NAV1: variants seen among roughly 807,000 people sequenced by gnomAD.
The protein encoded by NAV1 is neuron navigator 1, also known as pore membrane and/or filament interacting like protein 3.
NAV1 carries 18 observed loss-of-function variants against 175.2 expected under a neutral mutation model. The ratio of observed to expected loss-of-function variants is 0.10; its 90% CI spans 0.07 to 0.15. The LOEUF (loss-of-function observed/expected upper bound fraction) is 0.15. Ranked by LOEUF, NAV1 falls within the 10% of genes least tolerant of loss-of-function variation. The pLI is 1.00. For synonymous variants in NAV1, 897 were observed against 978.7 expected (o/e 0.92, Z 1.56); for missense variants, 1,731 against 2,436.6 (o/e 0.71, Z 6.10).
rs1571494261 is a variant in NAV1 at position 201,788,056 on chromosome 1, G to T, written c.2996-412G>T. The stretch of plus-strand genomic sequence containing the variant: ...TTTTCATCATTCAGATCTGGGTCTT[G>T]GTTTGAATTTTCAGTCCTCCTGAGC... On this transcript the variant is annotated intron_variant, in intron 9 of 29. Transcript: ENST00000367296. The surrounding 1 kb of genome is among the most constrained non-coding windows in gnomAD (Gnocchi z 5.7). Among the ~76,000 whole-genome samples, 1 of 152,162 alleles carries T rather than the reference G, an allele frequency of 6.6e-6. No individual in the cohort carries two copies. Among genetic ancestry groups the T allele is most frequent in the Non-Finnish European group, 1.5e-5 (1 of 68,030 alleles).
intron 2 of NAV1, among the ~76,000 whole-genome samples, chr1:201,637,284 G>C (rs770370098): frequency 1.4e-4 from 22 of 152,130 alleles, no homozygotes; most frequent in Non-Finnish European, 2.6e-4. Flanking sequence ...CATTACTTTC[G>C]CAGTTGTCTT....
chr1:201,550,116 A>G (rs1665811184), intron 1 of NAV1, among the ~76,000 whole-genome samples: 1 of 151,632 alleles, frequency 6.6e-6, no homozygotes, highest in South Asian at 2.1e-4. Flanking sequence ...CCAACACCCT[A>G]CATCCCACAT....
chr1:201,605,148 T>C lies in NAV1; in HGVS notation c.-33+16499T>C, dbSNP rs546413509. Among the ~76,000 whole-genome samples the C allele has an allele frequency of 3.3e-5, 5 of 151,372 alleles. No individual in the cohort carries two copies. The East Asian group carries it at 9.7e-4, about 29-fold the overall frequency. On this transcript the variant is annotated intron_variant, in intron 2 of 33. Coordinates refer to the NAV1 transcript ENST00000685211. Reference sequence around the variant, plus strand: ...CTTCTGCTTTTTTTTTTTTTTTCCTTCCCCCTGATCCTGTCTTCTGCTTCT... The same window carrying C: ...CTTCTGCTTTTTTTTTTTTTTTCCTCCCCCCTGATCCTGTCTTCTGCTTCT...
chr1:201,712,486 C>T (rs974249145), intron 1 of NAV1, among the ~76,000 whole-genome samples: 1 of 152,218 alleles, frequency 6.6e-6, no homozygotes, highest in Non-Finnish European at 1.5e-5. Flanking sequence ...AAATCTTGCC[C>T]AGGACCTCTG....
At chr1:201,796,713 G>A (rs935499171) in intron 15 of NAV1, 1 of 152,140 alleles carries the variant, frequency 6.6e-6, no homozygotes, top group African/African-American at 2.4e-5. Flanking sequence ...TCTCGTTGTG[G>A]TTTTGATTTT....
intron 1 of NAV1, chr1:201,688,542 G>T (rs996832957): frequency 2.6e-5 from 4 of 152,222 alleles, no homozygotes; most frequent in Non-Finnish European, 5.9e-5. Context: ...AGCCATCCAT[G>T]ATATTTACAT....
At chr1:201,721,307 G>A (rs1210991192) in intron 3 of NAV1, among the ~76,000 whole-genome samples, 4 of 152,236 alleles carry the variant, frequency 2.6e-5, no homozygotes, top group Non-Finnish European at 5.9e-5. Flanking sequence ...ACACGAGTTT[G>A]TTAACTTCCC....
intron 1 of NAV1, among the ~76,000 whole-genome samples, chr1:201,579,655 CTCAGTCTACCTTT>C (rs1666791971): frequency 6.6e-6 from 1 of 152,156 alleles, no homozygotes; most frequent in African/African-American, 2.4e-5. Context: ...TGTGCTTGGC[CTCAGTCTACCTTT>C]TTATCTCCAC....
chr1:201,801,224 C>T (rs1008977409), intron 15 of NAV1, among the ~76,000 whole-genome samples: 11 of 152,184 alleles, frequency 7.2e-5, no homozygotes, highest in African/African-American at 2.7e-4. Flanking sequence ...TTCCAAATAC[C>T]TTATGAGCTT....
At chr1:201,655,642 C>T (rs892508966) in intron 1 of NAV1, among the ~76,000 whole-genome samples, 1 of 152,240 alleles carries the variant, frequency 6.6e-6, no homozygotes, top group Non-Finnish European at 1.5e-5. Context: ...CAGGTCTTTG[C>T]TTCCTTCTGA....
chr1:201,559,411 CA>C (rs1197943585), intron 1 of NAV1, among the ~76,000 whole-genome samples: 2 of 152,132 alleles, frequency 1.3e-5, no homozygotes, highest in Non-Finnish European at 2.9e-5. Context: ...GCTCTTCCAA[CA>C]GTTGCTGCTT....
intron 1 of NAV1, among the ~76,000 whole-genome samples, chr1:201,651,547 C>T (rs1038174035): frequency 6.6e-6 from 1 of 152,180 alleles, no homozygotes; most frequent in African/African-American, 2.4e-5. Flanking sequence ...GAGAGAACAC[C>T]TCCACTTCCC....
chr1:201,748,254 C>T (rs1673894019), intron 3 of NAV1, among the ~76,000 whole-genome samples: 1 of 152,262 alleles, frequency 6.6e-6, no homozygotes, highest in South Asian at 2.1e-4. Context: ...GTAATAACAC[C>T]AGCTTTTTCA....
intron 5 of NAV1, 23 bp downstream of exon 9, chr1:201,781,332 T>G: frequency 6.3e-7 from 1 of 1,577,858 alleles, no homozygotes; most frequent in Non-Finnish European, 8.6e-7. Flanking sequence ...TAAAGGAAGG[T>G]ACAAGGGCAA....
intron 1 of NAV1, among the ~76,000 whole-genome samples, chr1:201,712,501 G>A (rs137976404): frequency 6.6e-6 from 1 of 152,334 alleles, no homozygotes; most frequent in African/African-American, 2.4e-5. Flanking sequence ...CCTCTGCTAT[G>A]AGAAGCAGGG....
intron 1 of NAV1, among the ~76,000 whole-genome samples, chr1:201,693,698 T>C (rs1012418244): frequency 1.3e-5 from 2 of 151,964 alleles, no homozygotes; most frequent in African/African-American, 4.8e-5. Flanking sequence ...GCAGGGACGG[T>C]CTTTTAGATG....
chr1:201,728,280 C>G lies in NAV1; in HGVS notation c.1226+9525C>G, dbSNP rs180828571. Among the ~76,000 whole-genome samples, 14 of 152,230 alleles carry G rather than the reference C, an allele frequency of 9.2e-5. No individual in the cohort carries two copies. The East Asian group carries it at 2.5e-3, about 27-fold the overall frequency. ...GGGACTAGAGGCACACATCACCACA[C>G]TTGGCTAGTATTTAAATTTTTCTGT... On this transcript the variant is annotated intron_variant, in intron 3 of 29. Transcript: ENST00000367296.
intron 1 of NAV1, among the ~76,000 whole-genome samples, chr1:201,552,515 G>T (rs372966879): frequency 2.0e-5 from 3 of 151,986 alleles, no homozygotes; most frequent in Non-Finnish European, 4.4e-5. Context: ...TGACGCATGT[G>T]GGGTAATGCA....
intron 9 of NAV1, 27 bp downstream of exon 13, chr1:201,786,604 G>A: frequency 6.2e-7 from 1 of 1,603,364 alleles, no homozygotes; most frequent in Non-Finnish European, 8.5e-7. Context: ...ACTCACTGTG[G>A]CATGGGGTGA....
Sources: allele counts gnomAD v4.1 joint callset (sites outside exome capture counted in the v4.1 genomes callset), GRCh38; gene constraint gnomAD v4.1.1; non-coding constraint Gnocchi (gnomAD v3.1); transcripts MANE v1.5; gene names NCBI Gene and HGNC (gene_info 2026-07-23, HGNC 2026-07-21).